ZPBP: variants seen among roughly 807,000 people sequenced by gnomAD.
ZPBP encodes zona pellucida binding protein, also known as zona pellucida-binding protein 1.
ZPBP carries 26 observed loss-of-function variants against 44.8 expected under a neutral mutation model. The ratio of observed to expected loss-of-function variants is 0.58; its 90% CI spans 0.43 to 0.81. The LOEUF is 0.81. Ranked by LOEUF, ZPBP falls within the 30% of genes least tolerant of loss-of-function variation. The pLI is 0.00. For missense variants in ZPBP, 409 were observed against 434.0 expected, an observed-to-expected ratio of 0.94 and a Z score of 0.51; for synonymous variants, 174 against 153.2, an observed-to-expected ratio of 1.14 and a Z score of -1.00.
At chr7:49,894,248 C>G (rs1792269447) in intron 2 of ZPBP, among the ~76,000 whole-genome samples, 1 of 152,216 alleles carries the variant, frequency 6.6e-6, no homozygotes, top group Non-Finnish European at 1.5e-5. Flanking sequence ...CCTCGACCAC[C>G]CAGGCTCAGG....
intron 6 of ZPBP, among the ~76,000 whole-genome samples, chr7:49,987,728 TTGTGTGTGTGTGTGTGTG>T (rs55971066): frequency 0.025 from 3,693 of 145,648 alleles, 83 homozygotes; most frequent in Middle Eastern, 0.076. Flanking sequence ...TATATATGTG[TTGTGTGTGTGTGTGTGTG>T]TGTGTGTGTG....
chr7:49,875,619 C>A (rs1430958190), intron 2 of ZPBP, among the ~76,000 whole-genome samples: 2 of 151,914 alleles, frequency 1.3e-5, no homozygotes, highest in African/African-American at 4.8e-5. Flanking sequence ...CCACCGCCTT[C>A]CAGTATCAGC....
intron 7 of ZPBP, among the ~76,000 whole-genome samples, chr7:49,981,644 T>TA: frequency 1.1e-5 from 1 of 93,862 alleles, no homozygotes; most frequent in Non-Finnish European, 1.9e-5. Flanking sequence ...ATATATTATA[T>TA]AATATCTTGA....
At chr7:49,879,916 T>C (rs997365790) in intron 2 of ZPBP, among the ~76,000 whole-genome samples, 2 of 152,312 alleles carry the variant, frequency 1.3e-5, no homozygotes, top group East Asian at 3.9e-4. Flanking sequence ...GCATCACAGA[T>C]GAGATTCATC....
At chr7:49,925,096 T>A (rs759858701) in intron 1 of ZPBP, among the ~76,000 whole-genome samples, 1 of 152,190 alleles carries the variant, frequency 6.6e-6, no homozygotes, top group African/African-American at 2.4e-5. Flanking sequence ...TCCTGACCCC[T>A]GTTTGGTAGT....
intron 7 of ZPBP, among the ~76,000 whole-genome samples, chr7:49,947,243 T>C (rs1192720908): frequency 6.6e-6 from 1 of 152,176 alleles, no homozygotes; most frequent in Admixed American, 6.6e-5. Flanking sequence ...CTGGATGATC[T>C]TGATGCTTGT....
rs187039739 is a variant in ZPBP, at chr7:50,069,767, C to T, written c.335-11626G>A. ...CACTTTCACTCTCAGATCCACCAGA[C>T]GGGGTCCTATTACAGGAGTTTCAGA... On this transcript the variant is annotated intron_variant, in intron 3 of 7. Coordinates refer to ENST00000046087, the MANE Select transcript of ZPBP (RefSeq NM_007009.3). 1.2e-4 allele frequency among the ~76,000 whole-genome samples: 19 copies of T among 152,200 alleles called. No individual in the cohort carries two copies. The East Asian group carries it at 3.5e-3, about 28-fold the overall frequency.
At chr7:49,861,479 G>A (rs1211322521) in intron 2 of ZPBP, among the ~76,000 whole-genome samples, 1 of 152,032 alleles carries the variant, frequency 6.6e-6, no homozygotes, top group Non-Finnish European at 1.5e-5. Flanking sequence ...CATTATGCAG[G>A]TGAGTTTTTA....
At chr7:49,985,212 ACT>A (rs1438081271) in intron 6 of ZPBP, among the ~76,000 whole-genome samples, 1 of 151,940 alleles carries the variant, frequency 6.6e-6, no homozygotes, top group African/African-American at 2.4e-5. Context: ...TGTTTTTATT[ACT>A]CTTTCTTAAA....
chr7:49,969,045 G>A (rs1775152436), intron 7 of ZPBP, among the ~76,000 whole-genome samples: 3 of 151,408 alleles, frequency 2.0e-5, no homozygotes, highest in Admixed American at 2.0e-4. Context: ...TCTGGGCCAG[G>A]ATGGGCTGTA....
rs73694401 is a variant in ZPBP at position 49,965,554 on chromosome 7, A to T, written c.961+17788T>A. 5.8e-3 allele frequency among the ~76,000 whole-genome samples: 890 copies of T among 152,232 alleles called. 11 individuals are homozygous for T. Among genetic ancestry groups the T allele is most frequent in the African/African-American group, 0.021 (858 of 41,578 alleles). ...CATAGAAAAATTACTGCAAATGGAA[A>T]TGGGTATACACCAAAAAATGAAGTC... On this transcript the variant is annotated intron_variant, in intron 7 of 7. Transcript: ENST00000046087.
chr7:49,866,239 A>G (rs1254859949), intron 2 of ZPBP, among the ~76,000 whole-genome samples: 2 of 152,158 alleles, frequency 1.3e-5, no homozygotes, highest in East Asian at 1.9e-4. Context: ...AGATGTGTTC[A>G]CTGGGTATGC....
intron 2 of ZPBP, among the ~76,000 whole-genome samples, chr7:49,879,929 A>G (rs949607593): frequency 2.0e-5 from 3 of 152,160 alleles, no homozygotes. Flanking sequence ...GATTCATCAC[A>G]GGTTTTCCAG....
At chr7:49,843,507 A>G in the ZPBP span, among the ~76,000 whole-genome samples, 3 of 152,250 alleles carry the variant, frequency 2.0e-5, no homozygotes, top group Non-Finnish European at 2.9e-5. Flanking sequence ...ACAAGCACTA[A>G]TTCACGATAA....
intron 7 of ZPBP, among the ~76,000 whole-genome samples, chr7:49,981,283 T>TA (rs1796861137): frequency 1.2e-5 from 1 of 85,196 alleles, no homozygotes; most frequent in Non-Finnish European, 2.1e-5. Flanking sequence ...ATAATATATA[T>TA]TATATAATAT....
chr7:50,050,127 C>A (rs1800615438), intron 4 of ZPBP, among the ~76,000 whole-genome samples: 1 of 151,840 alleles, frequency 6.6e-6, no homozygotes, highest in South Asian at 2.1e-4. Context: ...GATAGACATA[C>A]CATGCTCATA....
intron 7 of ZPBP, among the ~76,000 whole-genome samples, chr7:49,941,778 T>C (rs567540637): frequency 2.6e-4 from 40 of 152,124 alleles, no homozygotes; most frequent in African/African-American, 9.6e-4. Context: ...AAAACAAAAA[T>C]CTTTCTCAAG....
intron 1 of ZPBP, among the ~76,000 whole-genome samples, chr7:50,091,312 TGTGCAAAAG>T (rs1802982622): frequency 6.6e-6 from 1 of 152,210 alleles, no homozygotes; most frequent in Admixed American, 6.5e-5. Context: ...TTCCGTTTGC[TGTGCAAAAG>T]CTCTTTAGTT....
At chr7:49,937,757 A>G (rs1047847816) in intron 7 of ZPBP, 135 bp from the exon 8 acceptor site, 3 of 718,426 alleles carry the variant, frequency 4.2e-6, no homozygotes, top group Admixed American at 4.9e-5. Flanking sequence ...AATCTGCAGA[A>G]CTTTTTCATC....
Sources: gnomAD v4.1 joint callset for allele counts (sites outside exome capture counted in the v4.1 genomes callset) on GRCh38, gnomAD v4.1.1 for gene constraint, MANE v1.5 for transcripts, NCBI Gene and HGNC (gene_info 2026-07-23, HGNC 2026-07-21) for gene names.